The following MMP2 variants were observed in gnomAD, a reference collection of about 807,000 sequenced individuals.
MMP2 encodes 72 kDa type IV collagenase.
In MMP2, 39 loss-of-function variants were observed where a neutral mutation model predicts 74.8. The ratio of observed to expected loss-of-function variants is 0.52; its 90% CI spans 0.40 to 0.68. The LOEUF is 0.68. Among genes scored for constraint, MMP2 ranks in the 30% least tolerant of loss-of-function variants. The probability of loss-of-function intolerance (pLI) is 0.00; values close to 1 mark genes in which losing one functional copy is unlikely to be tolerated. For synonymous variants in MMP2, 367 were observed against 339.8 expected, an observed-to-expected ratio of 1.08 and a Z score of -0.88; for missense variants, 803 against 878.3, an observed-to-expected ratio of 0.91 and a Z score of 1.08.
chr16:55,504,651 A>AT (rs71149619), intron 12 of MMP2, among the ~76,000 whole-genome samples: 3,660 of 131,684 alleles, frequency 0.028, 75 homozygotes, highest in Middle Eastern at 0.077. Flanking sequence ...AAACAATTGA[A>AT]TTTTTTTTTT....
chr16:55,502,920 G>A, intron 12 of MMP2, 32 bp downstream of exon 12: 1 of 1,558,728 alleles, frequency 6.4e-7, no homozygotes, highest in Non-Finnish European at 8.8e-7. Context: ...CCGCTTTCTA[G>A]GACTCCCCGC....
intron 5 of MMP2, among the ~76,000 whole-genome samples, chr16:55,486,411 A>G (rs1962263303): frequency 7.3e-6 from 1 of 137,212 alleles, no homozygotes; most frequent in Admixed American, 7.5e-5. Context: ...GGGCTATACT[A>G]TCTGCCTCTC....
intron 7 of MMP2, 108 bp from the exon 8 acceptor site, chr16:55,491,693 C>G: frequency 2.3e-6 from 3 of 1,281,638 alleles, no homozygotes; most frequent in South Asian, 2.4e-5. Flanking sequence ...GGGTTCTCAG[C>G]CTTACTGTGG....
At position 55,484,251 on chromosome 16, in the gene MMP2, T is replaced by C. The variant is rs1235869029; in HGVS notation, c.529+87T>C. 4 of 1,493,496 alleles carry C rather than the reference T, an allele frequency of 2.7e-6. No homozygotes were observed. In the African/African-American group the frequency reaches 4.2e-5, roughly 16 times the overall value. 92.5% of individuals were successfully genotyped at this position (1,493,496 alleles called of 1,614,324 possible). A position where few individuals can be genotyped will look rare whatever the true frequency, so the allele number is the denominator to read the frequency against. ...GATGGACATTAGAGGGGCGTGGGGA[T>C]CCTAAGGGCGGCTTAGATAGGACAG... On this transcript the variant is annotated intron_variant, in intron 3 of 12. Coordinates refer to ENST00000219070, the MANE Select transcript of MMP2 (RefSeq NM_004530.6).
At chr16:55,480,313 T>C (rs1305289078) in intron 1 of MMP2, among the ~76,000 whole-genome samples, 2 of 152,136 alleles carry the variant, frequency 1.3e-5, no homozygotes, top group African/African-American at 2.4e-5. Context: ...TTCTCCTGGC[T>C]TAATGGACAA....
In MMP2 at chr16:55,498,389, C is replaced by A. The variant is rs147507571; in HGVS notation, c.1710C>A (p.Ala570=). 1.9e-6 allele frequency: 3 copies of A among 1,614,218 alleles called. No homozygotes were observed. Among genetic ancestry groups the A allele is most frequent in the South Asian group, 2.2e-5 (2 of 91,086 alleles). The change falls in exon 11 of 13, where the codon GCC becomes GCA. Residue 570 remains alanine (A), a synonymous_variant. Transcript: ENST00000219070. The part of the protein sequence containing the change: ...GLPPDVQRVD[A]AFNWSKNKKT... ...CCCCTGATGTCCAGCGAGTGGATGC[C>A]GCCTTTAACTGGAGCAAAAACAAGA... is the stretch of plus-strand genomic sequence containing the variant.
At chr16:55,487,593 A>C (rs1289461685) in intron 5 of MMP2, 1 of 152,208 alleles carries the variant, frequency 6.6e-6, no homozygotes, top group Non-Finnish European at 1.5e-5. Context: ...TGGTGGAGTT[A>C]ACGGGGGCTG....
At position 55,483,057 on chromosome 16, in the gene MMP2, G is replaced by A. The variant is rs121912953; in HGVS notation, c.302G>A (p.Arg101His). ...QNTIETMRKP[R>H]CGNPDVANYN... ...ACCATCGAGACCATGCGGAAGCCACGCTGCGGCAACCCAGATGTGGCCAAC... is the reference window on the plus strand; with the variant it reads ...ACCATCGAGACCATGCGGAAGCCACACTGCGGCAACCCAGATGTGGCCAAC... The change falls in exon 2 of 13, where the codon CGC becomes CAC. Residue 101 changes from arginine to histidine, a missense_variant. By Grantham distance (29) the Arg-to-His change is conservative. Around this residue, in one of 3 missense-constraint regions of MMP2, gnomAD observed 223 missense variants for 232.8 expected, o/e 0.96. Coordinates refer to ENST00000219070, the MANE Select transcript of MMP2 (RefSeq NM_004530.6). 3.1e-6 allele frequency: 5 copies of A among 1,614,148 alleles called. No individual in the cohort carries two copies. The highest frequency in any genetic ancestry group is 4.2e-6 in the Non-Finnish European group (5 of 1,180,022).
At chr16:55,481,781 T>A in intron 1 of MMP2, 1 of 718,782 alleles carries the variant, frequency 1.4e-6, no homozygotes, top group Non-Finnish European at 2.6e-6. Flanking sequence ...AGTGATGATG[T>A]TAGGCAAGTG....
chr16:55,483,759 C>G (rs1962167442), intron 2 of MMP2, among the ~76,000 whole-genome samples: 1 of 152,172 alleles, frequency 6.6e-6, no homozygotes, highest in Admixed American at 6.5e-5. Flanking sequence ...CTGGGACTCC[C>G]TGGGTCTTCA....
rs1567380391 is a variant in MMP2, at chr16:55,497,014, G to C, written c.1561G>C (p.Asp521His). 1.9e-6 allele frequency: 3 copies of C among 1,614,196 alleles called. No homozygotes were observed. The highest frequency in any genetic ancestry group is 1.6e-4 in the Middle Eastern group (1 of 6,062). Residue 521 changes from aspartate (D) to histidine (H), a missense_variant, in exon 10 of 13, where the codon GAT (aspartate) becomes CAT (histidine). Physicochemically the swap from Asp to His is moderately conservative, Grantham distance 81 (BLOSUM62 -1). Transcript: ENST00000219070. ...CTGGCCTGAGCTCCCGGAAAAGATT[G>C]ATGCGGTATACGAGGCCCCACAGGA... ...TFWPELPEKI[D>H]AVYEAPQEEK... is the part of the protein sequence containing the mutation.
chr16:55,491,425 T>C (rs1962402427), intron 7 of MMP2, among the ~76,000 whole-genome samples: 2 of 152,108 alleles, frequency 1.3e-5, no homozygotes, highest in South Asian at 4.2e-4. Context: ...GGAGCTGGGT[T>C]TGTAGAGCTC....
intron 9 of MMP2, among the ~76,000 whole-genome samples, chr16:55,495,481 G>A (rs376466368): frequency 6.6e-6 from 1 of 152,364 alleles, no homozygotes; most frequent in East Asian, 1.9e-4. Flanking sequence ...TGGGGGTCAT[G>A]AAGGACAGTA....
chr16:55,493,335 C>T (rs1485220798), intron 9 of MMP2, 42 bp downstream of exon 9: 5 of 1,612,866 alleles, frequency 3.1e-6, no homozygotes, highest in Middle Eastern at 1.7e-4. Flanking sequence ...TGTCTCCTGT[C>T]CTCTGCTCTT....
In MMP2 at chr16:55,485,907, G is replaced by A. The variant is rs560332954; in HGVS notation, c.832+130G>A. On this transcript the variant is annotated intron_variant, in intron 5 of 12. Coordinates refer to ENST00000219070, the MANE Select transcript of MMP2 (RefSeq NM_004530.6). ...GCCAGTTAATGAGCATCCCTCCAAC[G>A]TCCTTCACTCAGTTCCCCCCCATCC... is the stretch of plus-strand genomic sequence containing the variant. 7.0e-4 allele frequency: 652 copies of A among 931,846 alleles called. 2 individuals carry two copies. The highest frequency in any genetic ancestry group is 9.8e-4 in the Non-Finnish European group (581 of 592,230). 57.7% of individuals were successfully genotyped at this position (931,846 alleles called of 1,614,324 possible). A position where few individuals can be genotyped will look rare whatever the true frequency, so the allele number is the denominator to read the frequency against.
chr16:55,489,956 C>A, intron 7 of MMP2, 132 bp downstream of exon 7: 1 of 1,019,682 alleles, frequency 9.8e-7, no homozygotes, highest in Non-Finnish European at 1.5e-6. Flanking sequence ...CTACCCAGAC[C>A]CGCCCACCTG....
chr16:55,500,285 C>T (rs1223991356), intron 11 of MMP2, among the ~76,000 whole-genome samples: 5 of 151,174 alleles, frequency 3.3e-5, no homozygotes, highest in Admixed American at 1.3e-4. Context: ...ATTGTAGGAG[C>T]CCTGAATCTC....
rs751617004 is a variant in MMP2, at chr16:55,505,485, G to A, written c.*43G>A. On this transcript the variant is annotated 3_prime_UTR_variant, in exon 13 of 13. Coordinates refer to ENST00000219070, the MANE Select transcript of MMP2 (RefSeq NM_004530.6). Reference sequence around the variant, plus strand: ...CAGGCCCTTCCTCTCCACTGCCTTCGATACACCGGGCCTGGAGAACTAGAG... The same window carrying A: ...CAGGCCCTTCCTCTCCACTGCCTTCAATACACCGGGCCTGGAGAACTAGAG... 1.0e-5 allele frequency: 16 copies of A among 1,545,872 alleles called. No homozygotes were observed. The African/African-American group carries it at 1.2e-4, about 12-fold the overall frequency.
intron 11 of MMP2, among the ~76,000 whole-genome samples, chr16:55,499,568 G>C (rs564596484): frequency 4.3e-4 from 65 of 152,306 alleles, no homozygotes; most frequent in Non-Finnish European, 8.4e-4. Context: ...GTTCTGAGGG[G>C]CTATAGTCAT....
Sources: gnomAD v4.1 joint callset for allele counts (sites outside exome capture counted in the v4.1 genomes callset) on GRCh38, gnomAD v4.1.1 for gene constraint, gnomAD v4.1.1 regional missense constraint, MANE v1.5 for transcripts, NCBI Gene and HGNC (gene_info 2026-07-23, HGNC 2026-07-21) for gene names.